Variants in MPO observed in about 807,000 individuals in gnomAD.
The protein encoded by MPO is myeloperoxidase.
In MPO, 57 loss-of-function variants were observed where a neutral mutation model predicts 69.4. The observed-to-expected ratio is 0.82, with a 90% CI of 0.66 to 1.02. MPO has a LOEUF of 1.02. Among genes scored for constraint, MPO ranks in the 50% least tolerant of loss-of-function variants. The pLI, the probability that MPO is intolerant of heterozygous loss-of-function variation, is 0.00. For synonymous variants in MPO, 426 were observed against 417.1 expected, an observed-to-expected ratio of 1.02 and a Z score of -0.26; for missense variants, 971 against 1,014.1, an observed-to-expected ratio of 0.96 and a Z score of 0.58.
rs1282164224 is a variant in MPO at position 58,271,699 on chromosome 17, G to A, written c.1986C>T (p.Ala662=). ...KRKGRVGPLL[A]CIIGTQFRKL... is the part of the protein sequence containing the mutation. ...TCCTGAACTGGGTACCGATGATGCAGGCGAGGAGTGGGCCCACGCGGCCTT... is the reference window on the plus strand; with the variant it reads ...TCCTGAACTGGGTACCGATGATGCAAGCGAGGAGTGGGCCCACGCGGCCTT... The change falls in exon 11 of 12, where the codon GCC becomes GCT. Residue 662 remains alanine, a synonymous_variant. Transcript: ENST00000225275. 8 of 1,613,976 alleles carry A rather than the reference G, an allele frequency of 5.0e-6. No individual in the cohort carries two copies. In the Admixed American group the frequency reaches 5.0e-5, roughly 10 times the overall value.
chr17:58,274,292 G>C (rs1299759086), intron 8 of MPO: 1 of 455,284 alleles, frequency 2.2e-6, no homozygotes, highest in Non-Finnish European at 4.4e-6. Context: ...TGAGTTCTTA[G>C]TGCAAATCAA....
rs1022301283 is a variant in MPO at position 58,278,131 on chromosome 17, G to A, written c.900C>T (p.Asp300=). ...AGTCGGCTTGGTTCTTGATGCGGGGGTCATTGGGCGGGATCTGAGGCACAG... is the reference window on the plus strand; with the variant it reads ...AGTCGGCTTGGTTCTTGATGCGGGGATCATTGGGCGGGATCTGAGGCACAG... ...PCFPLKIPPN[D]PRIKNQADCI... Residue 300 remains aspartate (D), a synonymous_variant, in exon 7 of 12, where the codon GAC becomes GAT. Transcript: ENST00000225275. 3 of 1,601,566 alleles carry A rather than the reference G, an allele frequency of 1.9e-6. No individual in the cohort carries two copies. Among genetic ancestry groups the A allele is most frequent in the African/African-American group, 1.3e-5 (1 of 74,918 alleles).
At chr17:58,272,227 G>C (rs1970374713) in intron 10 of MPO, among the ~76,000 whole-genome samples, 1 of 152,236 alleles carries the variant, frequency 6.6e-6, no homozygotes, top group Non-Finnish European at 1.5e-5. Context: ...CGATGTGTCT[G>C]TCTCTGACCC....
rs35897051 is a variant in MPO at position 58,270,865 on chromosome 17, T to G, written c.2031-2A>C. ...ACACCCTCGTTCTCCCACCAAAACC[T>G]GCATGGGGAACACCCATGGACACTG... On this transcript the variant is annotated splice_acceptor_variant, in intron 11 of 11. Coordinates refer to ENST00000225275, the MANE Select transcript of MPO (RefSeq NM_000250.2). LOFTEE classifies it high-confidence loss of function. This position sits in a 1 kb window ranked among gnomAD's most constrained non-coding sequence, Gnocchi z 4.1. 8,943 of 1,612,874 alleles carry G rather than the reference T, an allele frequency of 5.5e-3. 25 individuals carry two copies. Among genetic ancestry groups the G allele is most frequent in the Non-Finnish European group, 6.6e-3 (7,808 of 1,179,978 alleles).
chr17:58,280,896 C>T lies in MPO; in HGVS notation c.-138G>A. ...CCCCTTGCCAGCTGCTGTCATCCAG[C>T]TTCCAAGGACCCCACCTCCACAGCT... On this transcript the variant is annotated 5_prime_UTR_variant, in exon 1 of 12. Coordinates refer to ENST00000225275, the MANE Select transcript of MPO (RefSeq NM_000250.2). 1 of 1,002,260 alleles carries T rather than the reference C, an allele frequency of 1.0e-6. No homozygotes were observed. Among genetic ancestry groups the T allele is most frequent in the Non-Finnish European group, 1.5e-6 (1 of 678,554 alleles). 62.1% of individuals were successfully genotyped at this position (1,002,260 alleles called of 1,614,324 possible). A position where few individuals can be genotyped will look rare whatever the true frequency, so the allele number is the denominator to read the frequency against.
At position 58,271,746 on chromosome 17, in the gene MPO, C is replaced by T. The variant is rs780409117; in HGVS notation, c.1939G>A (p.Val647Met). ...PNNIDIWMGG[V>M]SEPLKRKGRV... ...CCTTTGCGCTTCAGAGGCTCGGACA[C>T]GCCGCCCATCCAGATGTCGATGTTG... The change falls in exon 11 of 12, where the codon GTG becomes ATG. Residue 647 changes from valine (V) to methionine (M), a missense_variant. Coordinates refer to ENST00000225275, the MANE Select transcript of MPO (RefSeq NM_000250.2). 23 of 1,613,768 alleles carry T rather than the reference C, an allele frequency of 1.4e-5. No homozygotes were observed. Among genetic ancestry groups the T allele is most frequent in the African/African-American group, 2.7e-5 (2 of 74,926 alleles).
Position 58,271,679 on chromosome 17 carries a change from A to T in MPO, c.2006T>A (p.Phe669Tyr), listed in dbSNP as rs1413671007. 14 of 1,613,798 alleles carry T rather than the reference A, an allele frequency of 8.7e-6. No individual in the cohort carries two copies. The highest frequency in any genetic ancestry group is 1.2e-5 in the Non-Finnish European group (14 of 1,180,054). The change falls in exon 11 of 12, where the codon TTC (phenylalanine) becomes TAC (tyrosine). Residue 669 changes from phenylalanine to tyrosine, a missense_variant. By Grantham distance (22) the Phe-to-Tyr change is conservative. Transcript: ENST00000225275. ...CCGATCACCATCCCGGAGCTTCCTG[A>T]ACTGGGTACCGATGATGCAGGCGAG... ...PLLACIIGTQFRKLRDGDRFW... is the reference protein window; with the variant it reads ...PLLACIIGTQYRKLRDGDRFW...
At position 58,279,552 on chromosome 17, in the gene MPO, G is replaced by A. The variant is rs1456516986; in HGVS notation, c.519C>T (p.Tyr173=). ...TGTTGCACATCCCGGTGATGGTGCG[G>A]TATTTGTCCTGCTCCGGGCAAGTCA... ...VGVTCPEQDK[Y]RTITGMCNNR... Residue 173 remains tyrosine, a synonymous_variant, in exon 4 of 12, where the codon TAC becomes TAT. Transcript: ENST00000225275. 4 of 1,614,146 alleles carry A rather than the reference G, an allele frequency of 2.5e-6. No homozygotes were observed. Among genetic ancestry groups the A allele is most frequent in the Admixed American group, 1.7e-5 (1 of 60,034 alleles).
At chr17:58,278,870 G>T in intron 6 of MPO, 138 bp downstream of exon 6, 2 of 1,054,324 alleles carry the variant, frequency 1.9e-6, no homozygotes, top group Non-Finnish European at 2.8e-6. Flanking sequence ...TGAGCAGCCA[G>T]TGCTGTGGAC....
chr17:58,276,264 C>T (rs1970436483), intron 7 of MPO, among the ~76,000 whole-genome samples: 1 of 152,242 alleles, frequency 6.6e-6, no homozygotes, highest in South Asian at 2.1e-4. Context: ...GAATCCTTCT[C>T]AACACAGGAC....
chr17:58,270,193 A>C lies in MPO; in HGVS notation c.*463T>G, dbSNP rs1970349030. 1 of 297,032 alleles carries C rather than the reference A, an allele frequency of 3.4e-6. No individual in the cohort carries two copies. The highest frequency in any genetic ancestry group is 6.6e-6 in the Non-Finnish European group (1 of 152,342). The allele number at this position is 297,032 out of a possible 1,614,324, so 18.4% of individuals were successfully genotyped here. A position where few individuals can be genotyped will look rare whatever the true frequency, so the allele number is the denominator to read the frequency against. ...CATGTAGTAGGTGCTCAATAAATGA[A>C]GAACCAGAGGATACAAGTGGGCCCT... On this transcript the variant is annotated 3_prime_UTR_variant, in exon 12 of 12. Transcript: ENST00000225275. The surrounding 1 kb of genome is among the most constrained non-coding windows in gnomAD (Gnocchi z 4.1).
chr17:58,279,690 C>A, intron 3 of MPO, 44 bp from the exon 4 acceptor site: 1 of 1,614,002 alleles, frequency 6.2e-7, no homozygotes, highest in Non-Finnish European at 8.5e-7. Flanking sequence ...CGCCTCACTT[C>A]CTATCCCAGG....
chr17:58,276,800 G>A (rs1057495465), intron 7 of MPO, among the ~76,000 whole-genome samples: 4 of 152,112 alleles, frequency 2.6e-5, no homozygotes, highest in Non-Finnish European at 4.4e-5. Flanking sequence ...TCCACTATTG[G>A]GTTTACATTT....
chr17:58,270,510 C>A lies in MPO; in HGVS notation c.*146G>T. The stretch of plus-strand genomic sequence containing the variant: ...AGCCAATTTATATACTTCGCACATA[C>A]ATGAGCACACAAATGAACGTCTAGT... On this transcript the variant is annotated 3_prime_UTR_variant, in exon 12 of 12. Coordinates refer to ENST00000225275, the MANE Select transcript of MPO (RefSeq NM_000250.2). This position sits in a 1 kb window ranked among gnomAD's most constrained non-coding sequence, Gnocchi z 4.1. The A allele has an allele frequency of 1.3e-6, 1 of 745,610 alleles. No homozygotes were observed. The highest frequency in any genetic ancestry group is 2.4e-6 in the Non-Finnish European group (1 of 418,876). The allele number at this position is 745,610 out of a possible 1,614,324, so 46.2% of individuals were successfully genotyped here. A position where few individuals can be genotyped will look rare whatever the true frequency, so the allele number is the denominator to read the frequency against.
chr17:58,271,830 T>C lies in MPO; in HGVS notation c.1855A>G (p.Thr619Ala), dbSNP rs768508020. The C allele has an allele frequency of 6.2e-7, 1 of 1,614,212 alleles. No individual in the cohort carries two copies. The highest frequency in any genetic ancestry group is 1.1e-5 in the South Asian group (1 of 91,080). The change falls in exon 11 of 12, where the codon ACG becomes GCG. Residue 619 changes from threonine to alanine, a missense_variant. Coordinates refer to ENST00000225275, the MANE Select transcript of MPO (RefSeq NM_000250.2). ...GCCAATTTCAGGTTCCTCAGCACCG[T>C]GCCCAGCTGGCCCACAGTTTCAGGC... ...PQPETVGQLG[T>A]VLRNLKLARK...
chr17:58,279,681 G>A (rs1284049187), intron 3 of MPO, 35 bp from the exon 4 acceptor site: 2 of 1,613,996 alleles, frequency 1.2e-6, no homozygotes, highest in East Asian at 2.2e-5. Context: ...GAGCTGAGCC[G>A]CCTCACTTCC....
chr17:58,277,632 G>A, intron 7 of MPO, 195 bp downstream of exon 7: 1 of 778,342 alleles, frequency 1.3e-6, no homozygotes, highest in South Asian at 1.7e-5. Context: ...TGGAGAGGTT[G>A]TTTGCTTTTC....
Position 58,271,821 on chromosome 17 carries a change from T to A in MPO, c.1864A>T (p.Arg622Trp), listed in dbSNP as rs772001931. 6.2e-7 allele frequency: 1 copy of A among 1,614,202 alleles called. No individual in the cohort carries two copies. The highest frequency in any genetic ancestry group is 2.2e-5 in the East Asian group (1 of 44,884). The change falls in exon 11 of 12, where the codon AGG (arginine) becomes TGG (tryptophan). Residue 622 changes from arginine to tryptophan, a missense_variant. Transcript: ENST00000225275. The stretch of plus-strand genomic sequence containing the variant: ...AGTTTCCTCGCCAATTTCAGGTTCC[T>A]CAGCACCGTGCCCAGCTGGCCCACA... Reference protein sequence around the residue: ...ETVGQLGTVLRNLKLARKLME... With the variant: ...ETVGQLGTVLWNLKLARKLME...
chr17:58,278,293 G>T, intron 6 of MPO, 148 bp from the exon 7 acceptor site: 1 of 855,112 alleles, frequency 1.2e-6, no homozygotes, highest in Non-Finnish European at 1.8e-6. Context: ...TGCCTAGGGC[G>T]CCATCAGCAA....
Sources: gnomAD v4.1 joint callset for allele counts (sites outside exome capture counted in the v4.1 genomes callset) on GRCh38, gnomAD v4.1.1 for gene constraint, Gnocchi (gnomAD v3.1) non-coding constraint, MANE v1.5 for transcripts, NCBI Gene and HGNC (gene_info 2026-07-23, HGNC 2026-07-21) for gene names.